Variants in NLRP5 observed in about 807,000 individuals in gnomAD.
NLRP5 encodes NLR family pyrin domain containing 5.
A neutral mutation model predicts 113.1 loss-of-function variants in NLRP5; 93 were observed. That is an observed-to-expected ratio of 0.82 (90% CI 0.70 to 0.98). The LOEUF (loss-of-function observed/expected upper bound fraction) is 0.98, where lower values mean the gene tolerates loss of function less well. Among genes scored for constraint, NLRP5 ranks in the 50% least tolerant of loss-of-function variants. NLRP5 has a pLI of 0.00. For synonymous variants in NLRP5, 751 were observed against 600.7 expected, an observed-to-expected ratio of 1.25 and a Z score of -3.66; for missense variants, 1,808 against 1,514.3, an observed-to-expected ratio of 1.19 and a Z score of -3.22.
intron 2 of NLRP5, among the ~76,000 whole-genome samples, chr19:56,007,982 G>A (rs1345072880): frequency 2.1e-5 from 3 of 139,764 alleles, no homozygotes; most frequent in East Asian, 2.0e-4. Context: ...GTCGCCCAGT[G>A]CAGTGGCGCG....
At chr19:56,043,539 A>AT (rs1568498691) in intron 11 of NLRP5, among the ~76,000 whole-genome samples, 3 of 27,038 alleles carry the variant, frequency 1.1e-4, no homozygotes, top group East Asian at 2.4e-3. Flanking sequence ...TTACTCTGCT[A>AT]TTCTTTTTTT....
At chr19:56,043,718 GC>G (rs1235094014) in intron 11 of NLRP5, among the ~76,000 whole-genome samples, 10 of 151,038 alleles carry the variant, frequency 6.6e-5, no homozygotes, top group Admixed American at 2.0e-4. Flanking sequence ...GACTACAGGC[GC>G]CCACCACCAC....
intron 10 of NLRP5, among the ~76,000 whole-genome samples, chr19:56,038,431 G>C (rs959883983): frequency 6.6e-6 from 1 of 152,188 alleles, no homozygotes; most frequent in Admixed American, 6.5e-5. Flanking sequence ...GAATCAGCCA[G>C]GTGGAAATTG....
At position 56,028,236 on chromosome 19, in the gene NLRP5, G is replaced by C. The variant is rs1405291960; in HGVS notation, c.2003G>C (p.Trp668Ser). Residue 668 changes from tryptophan (W) to serine (S), a missense_variant, in exon 7 of 15, where the codon TGG becomes TCG. By Grantham distance (177) the Trp-to-Ser change is radical. Coordinates refer to ENST00000390649, the MANE Select transcript of NLRP5 (RefSeq NM_153447.4). The stretch of plus-strand genomic sequence containing the variant: ...GGGGTGAAGCAGAAGCTTCTGCACT[G>C]GGTCTCTCTGTTGGGTCAGCAGCCT... The C allele has an allele frequency of 1.2e-6, 2 of 1,613,754 alleles. No homozygotes were observed. Among genetic ancestry groups the C allele is most frequent in the South Asian group, 2.2e-5 (2 of 91,092 alleles).
chr19:56,021,874 A>G (rs372460032), intron 6 of NLRP5, among the ~76,000 whole-genome samples: 1 of 146,030 alleles, frequency 6.8e-6, no homozygotes, highest in African/African-American at 2.4e-5. Context: ...CAGAGTTCTG[A>G]AAAAAGGGGC....
chr19:56,009,327 G>A (rs907990807), intron 3 of NLRP5, among the ~76,000 whole-genome samples: 9 of 60,410 alleles, frequency 1.5e-4, no homozygotes, highest in South Asian at 6.4e-4. Context: ...GCGACAGAAC[G>A]AGACTCCATC....
At chr19:55,991,375 A>G in the NLRP5 span, among the ~76,000 whole-genome samples, 34 of 152,312 alleles carry the variant, frequency 2.2e-4, no homozygotes, top group Admixed American at 1.8e-3. Flanking sequence ...TTGGCTTTTC[A>G]TAGAAACATT....
Position 56,001,015 on chromosome 19 carries a change from AAAG to A in NLRP5, c.62+1237_62+1239del, listed in dbSNP as rs921248440. Among the ~76,000 whole-genome samples the A allele has an allele frequency of 9.2e-5, 14 of 151,780 alleles. 2 individuals carry two copies. Among genetic ancestry groups the A allele is most frequent in the Admixed American group, 7.9e-4 (12 of 15,220 alleles). On this transcript the variant is annotated intron_variant, in intron 1 of 14. Transcript: ENST00000390649. Reference sequence around the variant, plus strand: ...GAGTGAGACTCTATCAAAAAGAAAAAAAGAAGAAGAAAATATTCAAATTTGGCT... The same window carrying A: ...GAGTGAGACTCTATCAAAAAGAAAAAAAGAAGAAAATATTCAAATTTGGCT...
chr19:55,987,767 C>A, the NLRP5 span: 1 of 1,401,240 alleles, frequency 7.1e-7, no homozygotes, highest in Non-Finnish European at 1.0e-6. Context: ...AGTCACTCAT[C>A]CTCAGAAAAT....
At chr19:56,010,727 AG>A (rs1324836056) in intron 3 of NLRP5, among the ~76,000 whole-genome samples, 1 of 141,130 alleles carries the variant, frequency 7.1e-6, no homozygotes, top group Non-Finnish European at 1.5e-5. Context: ...GGGAAACAAG[AG>A]CTTAACTCTG....
At chr19:55,999,289 A>G (rs769699204), upstream of NLRP5, among the ~76,000 whole-genome samples, 8 of 136,090 alleles carry the variant, frequency 5.9e-5, no homozygotes, top group Non-Finnish European at 1.2e-4. Context: ...ATCTTGGCTC[A>G]CTGCAACCTC....
chr19:56,052,410 A>T (rs1040325913), intron 12 of NLRP5, among the ~76,000 whole-genome samples: 24 of 152,110 alleles, frequency 1.6e-4, no homozygotes, highest in Admixed American at 1.4e-3. Context: ...CTGGGATTAC[A>T]GGCACCTGCC....
Position 56,028,003 on chromosome 19 carries a change from C to T in NLRP5, c.1770C>T (p.Phe590=), listed in dbSNP as rs770959132. 1.6e-5 allele frequency: 26 copies of T among 1,613,904 alleles called. No homozygotes were observed. Among genetic ancestry groups the T allele is most frequent in the East Asian group, 4.5e-5 (2 of 44,898 alleles). ...TCTTCCACCTCAGTCTCCAGGACTTCTGTGCCGCCTTGTACTACGTGTTAG... is the reference window on the plus strand; with the variant it reads ...TCTTCCACCTCAGTCTCCAGGACTTTTGTGCCGCCTTGTACTACGTGTTAG... Residue 590 remains phenylalanine, a synonymous_variant, in exon 7 of 15, where the codon TTC becomes TTT. Transcript: ENST00000390649.
intron 10 of NLRP5, among the ~76,000 whole-genome samples, chr19:56,039,891 G>A (rs897367727): frequency 3.3e-5 from 5 of 152,224 alleles, no homozygotes; most frequent in Non-Finnish European, 7.4e-5. Context: ...TCCAGCCTGG[G>A]CAACAAGCGC....
upstream of NLRP5, among the ~76,000 whole-genome samples, chr19:55,998,674 A>ATGTG (rs1981432841): frequency 1.3e-5 from 1 of 74,242 alleles, no homozygotes; most frequent in Non-Finnish European, 2.4e-5. Flanking sequence ...GTGTGTGTGT[A>ATGTG]TATATATATA....
chr19:56,048,905 A>C (rs1231213691), intron 11 of NLRP5, among the ~76,000 whole-genome samples: 1 of 150,054 alleles, frequency 6.7e-6, no homozygotes, highest in African/African-American at 2.4e-5. Flanking sequence ...CTTTGTTCAA[A>C]TATTCTTTTT....
chr19:56,027,721 A>G lies in NLRP5; in HGVS notation c.1488A>G (p.Gln496=). The G allele has an allele frequency of 6.2e-7, 1 of 1,613,472 alleles. No individual in the cohort carries two copies. ...GGGAGAGCGTCGCCCCCTTCAACCA[A>G]ACGCTCACAGGCCTGCACGCCGCTT... Residue 496 remains glutamine, a synonymous_variant, in exon 7 of 15, where the codon CAA becomes CAG. Transcript: ENST00000390649.
chr19:56,005,296 TAC>T (rs1420844508), intron 2 of NLRP5, among the ~76,000 whole-genome samples: 1 of 147,208 alleles, frequency 6.8e-6, no homozygotes, highest in Non-Finnish European at 1.5e-5. Context: ...TTTTTATATA[TAC>T]ACATATATAT....
In NLRP5 at chr19:56,038,055, T is replaced by C. The variant is rs771448118; in HGVS notation, c.2646T>C (p.Cys882=). Residue 882 remains cysteine (C), a synonymous_variant, in exon 10 of 15, where the codon TGT becomes TGC. Transcript: ENST00000390649. ...ATTGCTGTGGATTGACCCATGCCTG[T>C]TACCTGAAGATCTCCCAAATCCTTA... The C allele has an allele frequency of 1.9e-6, 3 of 1,613,968 alleles. No individual in the cohort carries two copies. The highest frequency in any genetic ancestry group is 2.2e-5 in the South Asian group (2 of 91,082).
Sources: allele counts gnomAD v4.1 joint callset (sites outside exome capture counted in the v4.1 genomes callset), GRCh38; gene constraint gnomAD v4.1.1; transcripts MANE v1.5; gene names NCBI Gene and HGNC (gene_info 2026-07-23, HGNC 2026-07-21).